The following FASTKD2 variants were observed in gnomAD, a reference collection of about 807,000 sequenced individuals.
FASTKD2 encodes FAST kinase domains 2.
Under a neutral mutation model 63.6 loss-of-function variants are expected in FASTKD2, and 51 were observed. That is an observed-to-expected ratio of 0.80 (90% CI 0.64 to 1.01). The LOEUF (loss-of-function observed/expected upper bound fraction) is 1.01. Ranked by LOEUF, FASTKD2 falls within the 50% of genes least tolerant of loss-of-function variation. The probability of loss-of-function intolerance (pLI) is 0.00; values close to 1 mark genes in which losing one functional copy is unlikely to be tolerated. For synonymous variants in FASTKD2, 284 were observed against 293.4 expected, an observed-to-expected ratio of 0.97 and a Z score of 0.33; for missense variants, 786 against 831.1, an observed-to-expected ratio of 0.95 and a Z score of 0.67.
chr2:206,780,116 G>GTT (rs140823636), intron 7 of FASTKD2, among the ~76,000 whole-genome samples: 1 of 152,094 alleles, frequency 6.6e-6, no homozygotes, highest in East Asian at 1.9e-4. Context: ...ATTCTTGATA[G>GTT]TTTTTTTAAC....
Position 206,790,609 on chromosome 2 carries a change from T to C in FASTKD2, c.1936T>C (p.Leu646=), listed in dbSNP as rs777266000. 3.1e-6 allele frequency: 5 copies of C among 1,613,088 alleles called. No individual in the cohort carries two copies. In the South Asian group the frequency reaches 4.4e-5, roughly 14 times the overall value. Residue 646 remains leucine, a synonymous_variant, in exon 11 of 12, where the codon TTG becomes CTG. Transcript: ENST00000402774. ...VLCVSRSAYC[L]GSSHPRGFLA... ...ATGTGTTTCCAGATCTGCTTATTGT[T>C]TGGGTTCAAGCCACCCCAGAGGATT...
intron 7 of FASTKD2, among the ~76,000 whole-genome samples, chr2:206,779,883 T>C (rs1689922323): frequency 6.6e-6 from 1 of 152,248 alleles, no homozygotes; most frequent in African/African-American, 2.4e-5. Context: ...TCAATTCCTT[T>C]CTGTTTTTCT....
At chr2:206,790,891 A>G (rs1273578726) in intron 11 of FASTKD2, 2 of 546,300 alleles carry the variant, frequency 3.7e-6, no homozygotes, top group Non-Finnish European at 3.3e-6. Flanking sequence ...TGTCATTACT[A>G]GAGCTTTTAC....
chr2:206,783,711 G>A (rs1005805470), intron 7 of FASTKD2, among the ~76,000 whole-genome samples: 6 of 152,140 alleles, frequency 3.9e-5, no homozygotes, highest in Admixed American at 2.6e-4. Flanking sequence ...AGGTAACAAA[G>A]GCTGGGAGGA....
rs377653908 is a variant in FASTKD2 at position 206,776,073 on chromosome 2, ATAT to A, written c.1427+1684_1427+1686del. ...TAAGTCCTTTGCCTATTTTTAAATC[ATAT>A]TATTATTTTTGCTATTCAGTTACAG... On this transcript the variant is annotated intron_variant, in intron 7 of 11. Transcript: ENST00000402774. Among the ~76,000 whole-genome samples, 33 of 151,624 alleles carry A rather than the reference ATAT, an allele frequency of 2.2e-4. No homozygotes were observed. In the East Asian group the frequency reaches 5.2e-3, roughly 24 times the overall value.
At chr2:206,786,550 C>T (rs1187397594) in intron 7 of FASTKD2, 183 bp from the exon 8 acceptor site, 10 of 621,348 alleles carry the variant, frequency 1.6e-5, no homozygotes, top group Non-Finnish European at 2.6e-5. Context: ...TTGTCTCGTG[C>T]AAGACATACA....
chr2:206,774,909 C>T (rs1192299469), intron 7 of FASTKD2, among the ~76,000 whole-genome samples: 1 of 151,928 alleles, frequency 6.6e-6, no homozygotes, highest in Non-Finnish European at 1.5e-5. Flanking sequence ...TCCCCTATTT[C>T]CCCCTTTCCT....
intron 10 of FASTKD2, 53 bp from the exon 11 acceptor site, chr2:206,790,519 G>A: frequency 9.4e-7 from 1 of 1,058,556 alleles, no homozygotes. Context: ...AATGCAGCAA[G>A]ACTAAATAGT....
In FASTKD2 at chr2:206,791,969, T is replaced by G; in HGVS notation, c.*167T>G. On this transcript the variant is annotated 3_prime_UTR_variant, in exon 12 of 12. Coordinates refer to ENST00000402774, the MANE Select transcript of FASTKD2 (RefSeq NM_001136193.2). The stretch of plus-strand genomic sequence containing the variant: ...TGGAAGAAATGTTGTTACTGCCATT[T>G]AAAAATATGCTGAGAAAATTCCAGA... 1.5e-6 allele frequency: 1 copy of G among 646,868 alleles called. No individual in the cohort carries two copies. Among genetic ancestry groups the G allele is most frequent in the South Asian group, 1.9e-5 (1 of 51,818 alleles). The allele number at this position is 646,868 out of a possible 1,614,324, so 40.1% of individuals were successfully genotyped here. A position where few individuals can be genotyped will look rare whatever the true frequency, so the allele number is the denominator to read the frequency against.
At chr2:206,785,690 C>A (rs2287629) in intron 7 of FASTKD2, among the ~76,000 whole-genome samples, 38,090 of 152,062 alleles carry the variant, frequency 0.25, 5,723 homozygotes, top group East Asian at 0.71. Context: ...TAATTTCAGA[C>A]GTGCTGCCTT....
In FASTKD2 at chr2:206,793,248, A is replaced by AAAAC. The variant is rs1259024642; in HGVS notation, c.*1449_*1450insCAAA. 3.1e-4 allele frequency among the ~76,000 whole-genome samples: 39 copies of AAAAC among 126,552 alleles called. 1 individual carries two copies. Among genetic ancestry groups the AAAAC allele is most frequent in the East Asian group, 6.9e-4 (3 of 4,358 alleles). 83.0% of individuals were successfully genotyped at this position (126,552 alleles called of 152,430 possible). On this transcript the variant is annotated 3_prime_UTR_variant, in exon 12 of 12. Transcript: ENST00000402774. ...AAAAAAAAAAAAAAAAAAAAAAAAA[A>AAAAC]AAATACAAAAACTATAGCAATATGA... is the stretch of plus-strand genomic sequence containing the variant.
Position 206,791,759 on chromosome 2 carries a change from A to C in FASTKD2, c.2090A>C (p.Glu697Ala). 8 of 1,613,010 alleles carry C rather than the reference A, an allele frequency of 5.0e-6. No homozygotes were observed. Among genetic ancestry groups the C allele is most frequent in the Non-Finnish European group, 6.8e-6 (8 of 1,179,314 alleles). Residue 697 changes from glutamate to alanine, a missense_variant, in exon 12 of 12, where the codon GAA (glutamate) becomes GCA (alanine). Transcript: ENST00000402774. The stretch of plus-strand genomic sequence containing the variant: ...TTGAAGACTAAAATCTATTCAGTAG[A>C]AGCTCTTCCTGTTGCTGCTGTAAAT... ...TFLKTKIYSV[E>A]ALPVAAVNVQ...
chr2:206,781,997 G>A (rs955944669), intron 7 of FASTKD2, among the ~76,000 whole-genome samples: 3 of 152,118 alleles, frequency 2.0e-5, no homozygotes, highest in African/African-American at 4.8e-5. Context: ...CTCGGGTTGC[G>A]TACCTTCTCT....
At position 206,790,792 on chromosome 2, in the gene FASTKD2, C is replaced by G. The variant is rs983246362; in HGVS notation, c.2013+106C>G. On this transcript the variant is annotated intron_variant, in intron 11 of 11. Coordinates refer to ENST00000402774, the MANE Select transcript of FASTKD2 (RefSeq NM_001136193.2). ...TGGTTACTAGGACTAGAGGAATTGT[C>G]AGCATTATTGGAATGAGTGCTTTAG... 4 of 772,756 alleles carry G rather than the reference C, an allele frequency of 5.2e-6. No individual in the cohort carries two copies. The East Asian group carries it at 9.9e-5, about 19-fold the overall frequency. 47.9% of individuals were successfully genotyped at this position (772,756 alleles called of 1,614,324 possible).
At chr2:206,786,629 G>C in intron 7 of FASTKD2, 104 bp from the exon 8 acceptor site, 3 of 962,990 alleles carry the variant, frequency 3.1e-6, no homozygotes, top group Non-Finnish European at 5.1e-6. Context: ...ATGATGTGTG[G>C]ATACTTACTT....
chr2:206,790,726 A>G lies in FASTKD2; in HGVS notation c.2013+40A>G, dbSNP rs2287627. The G allele has an allele frequency of 3.7e-5, 43 of 1,151,622 alleles. No homozygotes were observed. In the East Asian group the frequency reaches 9.6e-4, roughly 26 times the overall value. The allele number at this position is 1,151,622 out of a possible 1,614,324, so 71.3% of individuals were successfully genotyped here. A position where few individuals can be genotyped will look rare whatever the true frequency, so the allele number is the denominator to read the frequency against. ...CAAATGAAATATTCTTTAATTACTG[A>G]TGTACATTCTAACAGCTGCCAGGAA... On this transcript the variant is annotated intron_variant, in intron 11 of 11. Transcript: ENST00000402774.
intron 7 of FASTKD2, among the ~76,000 whole-genome samples, chr2:206,783,063 T>A (rs1276009599): frequency 6.6e-6 from 1 of 152,014 alleles, no homozygotes; most frequent in Non-Finnish European, 1.5e-5. Flanking sequence ...AGAGAACATC[T>A]GATTGACTGA....
intron 8 of FASTKD2, 61 bp downstream of exon 8, chr2:206,786,960 C>A: frequency 1.0e-6 from 1 of 991,286 alleles, no homozygotes; most frequent in Non-Finnish European, 1.6e-6. Context: ...CCACTAGCTA[C>A]CATATGACTC....
intron 7 of FASTKD2, among the ~76,000 whole-genome samples, chr2:206,778,404 C>G (rs932596622): frequency 6.6e-6 from 1 of 151,956 alleles, no homozygotes; most frequent in Admixed American, 6.6e-5. Context: ...TTCTTTAACC[C>G]ATTGGGTGTT....
Sources: gnomAD v4.1 joint callset for allele counts (sites outside exome capture counted in the v4.1 genomes callset) on GRCh38, gnomAD v4.1.1 for gene constraint, MANE v1.5 for transcripts, NCBI Gene and HGNC (gene_info 2026-07-23, HGNC 2026-07-21) for gene names.